HPSE2: variants seen among roughly 807,000 people sequenced by gnomAD.
HPSE2 encodes the protein heparanase 2 (inactive).
In HPSE2, 38 loss-of-function variants were observed where a neutral mutation model predicts 60.5. The ratio of observed to expected loss-of-function variants is 0.63; its 90% CI spans 0.48 to 0.82. The LOEUF (loss-of-function observed/expected upper bound fraction) is 0.82. HPSE2 is among the 40% of genes least tolerant of loss of function. The pLI, the probability that HPSE2 is intolerant of heterozygous loss-of-function variation, is 0.00. For missense variants in HPSE2, 713 were observed against 740.4 expected (o/e 0.96, Z 0.43); for synonymous variants, 295 against 293.2 (o/e 1.01, Z -0.06).
intron 3 of HPSE2, among the ~76,000 whole-genome samples, chr10:98,778,264 C>CAGAG (rs143885408): frequency 0.042 from 4,683 of 112,674 alleles, 380 homozygotes; most frequent in East Asian, 0.17. Flanking sequence ...GAGAGAGAGA[C>CAGAG]AGAGAGAGAG....
chr10:99,254,048 C>A, the HPSE2 span, among the ~76,000 whole-genome samples: 19 of 152,192 alleles, frequency 1.2e-4, no homozygotes, highest in African/African-American at 4.3e-4. Flanking sequence ...TTCAATCCAG[C>A]AATCTCGTTA....
intron 9 of HPSE2, among the ~76,000 whole-genome samples, chr10:98,581,272 G>T (rs1391683894): frequency 1.3e-5 from 2 of 151,748 alleles, no homozygotes; most frequent in African/African-American, 2.4e-5. Context: ...ATTTGTGTTG[G>T]GTGTCCCAAG....
At chr10:99,280,206 T>A in the HPSE2 span, among the ~76,000 whole-genome samples, 2 of 152,128 alleles carry the variant, frequency 1.3e-5, no homozygotes, top group South Asian at 2.1e-4. Flanking sequence ...ACAGGCCTCA[T>A]GAGGCAAGAG....
chr10:99,160,898 C>CAAAA (rs60506210), intron 2 of HPSE2, among the ~76,000 whole-genome samples: 1,103 of 55,220 alleles, frequency 0.02, 98 homozygotes, highest in East Asian at 0.037. Context: ...GACTCCGTCT[C>CAAAA]AAAAAAAAAA....
chr10:99,197,163 TA>T (rs1277362058), intron 2 of HPSE2, among the ~76,000 whole-genome samples: 1 of 152,132 alleles, frequency 6.6e-6, no homozygotes, highest in African/African-American at 2.4e-5. Flanking sequence ...TTGTGGGATC[TA>T]AAAAGTCAAA....
At chr10:98,708,484 T>C (rs184786902) in intron 5 of HPSE2, among the ~76,000 whole-genome samples, 131 of 152,178 alleles carry the variant, frequency 8.6e-4, no homozygotes, top group Admixed American at 7.8e-3. Flanking sequence ...TCAATCCCAA[T>C]TTAATATTTT....
chr10:98,463,257 A>C (rs1190173549), intron 11 of HPSE2, among the ~76,000 whole-genome samples: 2 of 152,072 alleles, frequency 1.3e-5, no homozygotes, highest in Middle Eastern at 3.2e-3. Flanking sequence ...TATTGTGAAC[A>C]ATGACACCCA....
At chr10:99,219,002 TG>T (rs1289256093) in intron 2 of HPSE2, among the ~76,000 whole-genome samples, 1 of 152,152 alleles carries the variant, frequency 6.6e-6, no homozygotes, top group Non-Finnish European at 1.5e-5. Flanking sequence ...ACCTCAATGG[TG>T]ATTACATTCA....
At chr10:99,140,334 T>TCA (rs1845822442) in intron 3 of HPSE2, among the ~76,000 whole-genome samples, 1 of 152,212 alleles carries the variant, frequency 6.6e-6, no homozygotes, top group African/African-American at 2.4e-5. Flanking sequence ...ACAAGAATCC[T>TCA]CATAAAGGAA....
chr10:98,937,386 T>C (rs1451334914), intron 3 of HPSE2, among the ~76,000 whole-genome samples: 5 of 144,488 alleles, frequency 3.5e-5, no homozygotes, highest in Admixed American at 3.4e-4. Flanking sequence ...CCCACCCTAA[T>C]ACTGCGCTTT....
the HPSE2 span, among the ~76,000 whole-genome samples, chr10:99,271,332 T>C: frequency 6.6e-6 from 1 of 152,212 alleles, no homozygotes; most frequent in Non-Finnish European, 1.5e-5. Flanking sequence ...AGCTCTGCTA[T>C]ACACCAGCAG....
At chr10:99,187,572 TAAAG>T (rs780563892) in intron 2 of HPSE2, among the ~76,000 whole-genome samples, 2 of 152,006 alleles carry the variant, frequency 1.3e-5, no homozygotes, top group Non-Finnish European at 2.9e-5. Context: ...AATTTAAAGA[TAAAG>T]AAAGGATGTG....
chr10:98,645,219 A>G (rs888785328), intron 6 of HPSE2, among the ~76,000 whole-genome samples: 1 of 152,240 alleles, frequency 6.6e-6, no homozygotes, highest in African/African-American at 2.4e-5. Flanking sequence ...TGACATATCA[A>G]AAATATACAG....
the HPSE2 span, among the ~76,000 whole-genome samples, chr10:99,276,176 C>G: frequency 6.6e-6 from 1 of 152,116 alleles, no homozygotes; most frequent in African/African-American, 2.4e-5. Context: ...CATATAAATA[C>G]AATATTCGTT....
intron 11 of HPSE2, among the ~76,000 whole-genome samples, chr10:98,477,881 A>G: frequency 6.6e-6 from 1 of 150,818 alleles, no homozygotes; most frequent in African/African-American, 2.5e-5. Flanking sequence ...AGATTCTCAT[A>G]GAAGTGTGAA....
At chr10:99,184,819 T>TATATATATATATATAGAGAGAG (rs1554912295) in intron 2 of HPSE2, among the ~76,000 whole-genome samples, 1 of 19,858 alleles carries the variant, frequency 5.0e-5, no homozygotes, top group Non-Finnish European at 9.9e-5. Context: ...TATATATATA[T>TATATATATATATATAGAGAGAG]AGAGAGAGAG....
At chr10:98,609,987 G>T (rs75658346) in intron 9 of HPSE2, among the ~76,000 whole-genome samples, 3 of 151,904 alleles carry the variant, frequency 2.0e-5, no homozygotes, top group African/African-American at 4.8e-5. Flanking sequence ...GACTACAGGT[G>T]CCCGCCACCA....
intron 9 of HPSE2, among the ~76,000 whole-genome samples, chr10:98,498,193 C>T (rs1941915101): frequency 6.6e-6 from 1 of 152,156 alleles, no homozygotes; most frequent in Non-Finnish European, 1.5e-5. Flanking sequence ...GCAAGAACAA[C>T]CAGCAATCCT....
At chr10:98,935,914 C>G (rs1954774881) in intron 3 of HPSE2, among the ~76,000 whole-genome samples, 3 of 144,962 alleles carry the variant, frequency 2.1e-5, no homozygotes, top group Non-Finnish European at 4.5e-5. Flanking sequence ...AGCCACCCCT[C>G]CCACCAGGTG....
Sources: gnomAD v4.1 joint callset for allele counts (sites outside exome capture counted in the v4.1 genomes callset) on GRCh38, gnomAD v4.1.1 for gene constraint, MANE v1.5 for transcripts, NCBI Gene and HGNC (gene_info 2026-07-23, HGNC 2026-07-21) for gene names.